ERCC6L2: variants seen among roughly 807,000 people sequenced by gnomAD.
ERCC6L2 encodes the protein ERCC excision repair 6 like 2.
ERCC6L2 carries 77 observed loss-of-function variants against 132.0 expected under a neutral mutation model. The ratio of observed to expected loss-of-function variants is 0.58; its 90% CI spans 0.49 to 0.71. The LOEUF is 0.71. ERCC6L2 is among the 30% of genes least tolerant of loss of function. The pLI is 0.00. For missense variants in ERCC6L2, 1,542 were observed against 1,837.6 expected (o/e 0.84, Z 2.94); for synonymous variants, 583 against 632.4 (o/e 0.92, Z 1.17).
At chr9:95,886,508 A>G (rs966421006) in intron 2 of ERCC6L2, among the ~76,000 whole-genome samples, 6 of 152,060 alleles carry the variant, frequency 3.9e-5, no homozygotes, top group African/African-American at 1.4e-4. Context: ...TAGAACTGTT[A>G]TTTTTTTCCT....
chr9:95,936,955 G>T (rs1012530946), intron 11 of ERCC6L2, among the ~76,000 whole-genome samples: 2 of 152,074 alleles, frequency 1.3e-5, no homozygotes, highest in Non-Finnish European at 2.9e-5. Flanking sequence ...ATGTATCAAT[G>T]GTTCTTTTCT....
chr9:95,924,529 A>G (rs1830020158), intron 9 of ERCC6L2, among the ~76,000 whole-genome samples: 1 of 152,080 alleles, frequency 6.6e-6, no homozygotes, highest in African/African-American at 2.4e-5. Context: ...ACTATCCCAC[A>G]GTTTAAACCA....
At chr9:95,946,799 C>A (rs760954956) in intron 12 of ERCC6L2, among the ~76,000 whole-genome samples, 2 of 152,152 alleles carry the variant, frequency 1.3e-5, no homozygotes, top group Non-Finnish European at 2.9e-5. Flanking sequence ...CACATTATTT[C>A]AGATTTTCAT....
intron 2 of ERCC6L2, among the ~76,000 whole-genome samples, chr9:95,892,915 C>T (rs979447667): frequency 6.6e-6 from 1 of 152,098 alleles, no homozygotes; most frequent in Non-Finnish European, 1.5e-5. Context: ...ATATTTAGTT[C>T]ATTTACATTT....
intron 2 of ERCC6L2, among the ~76,000 whole-genome samples, chr9:95,893,208 G>C (rs988050409): frequency 2.0e-5 from 3 of 152,162 alleles, no homozygotes; most frequent in African/African-American, 7.2e-5. Flanking sequence ...AGTTAGGAAT[G>C]CTAAGTGTAA....
intron 19 of ERCC6L2, among the ~76,000 whole-genome samples, chr9:96,023,617 G>T (rs1018001740): frequency 6.6e-6 from 1 of 152,142 alleles, no homozygotes; most frequent in Non-Finnish European, 1.5e-5. Flanking sequence ...TGCTATTTCC[G>T]AATGGAGCCC....
chr9:95,987,796 C>T (rs530445090), intron 17 of ERCC6L2, among the ~76,000 whole-genome samples: 1 of 152,238 alleles, frequency 6.6e-6, no homozygotes, highest in African/African-American at 2.4e-5. Flanking sequence ...CATTTCCCTT[C>T]TGCACTGCCC....
At chr9:95,925,218 C>T (rs1454930361) in intron 9 of ERCC6L2, among the ~76,000 whole-genome samples, 1 of 152,146 alleles carries the variant, frequency 6.6e-6, no homozygotes, top group Non-Finnish European at 1.5e-5. Context: ...GAGTTTTGAC[C>T]TCAACTATCA....
At chr9:95,928,329 G>T (rs997489053) in intron 10 of ERCC6L2, 179 bp downstream of exon 10, 4 of 468,404 alleles carry the variant, frequency 8.5e-6, no homozygotes, top group Non-Finnish European at 1.5e-5. Context: ...TTGTTTCAGG[G>T]TTGCTAAATA....
intron 17 of ERCC6L2, among the ~76,000 whole-genome samples, chr9:95,991,857 T>C (rs1833313436): frequency 6.6e-6 from 1 of 152,218 alleles, no homozygotes; most frequent in Admixed American, 6.5e-5. Flanking sequence ...AAGTTCAAGA[T>C]ACACCAATGA....
intron 2 of ERCC6L2, among the ~76,000 whole-genome samples, chr9:95,896,488 C>T (rs1293874661): frequency 6.0e-5 from 9 of 149,396 alleles, no homozygotes; most frequent in African/African-American, 2.0e-4. Context: ...GTGGTGCAGT[C>T]ACGGCCCACT....
At chr9:96,027,127 A>C (rs990465138) in intron 19 of ERCC6L2, among the ~76,000 whole-genome samples, 2 of 145,954 alleles carry the variant, frequency 1.4e-5, no homozygotes, top group Non-Finnish European at 3.0e-5. Flanking sequence ...CACACACACC[A>C]CACACAACAC....
Position 96,013,159 on chromosome 9 carries a change from A to AGT in ERCC6L2, c.4611_4612dup (p.Asp1538ValfsTer24). 7.3e-7 allele frequency: 1 copy of AGT among 1,366,664 alleles called. No homozygotes were observed. The highest frequency in any genetic ancestry group is 9.8e-7 in the Non-Finnish European group (1 of 1,021,596). The allele number at this position is 1,366,664 out of a possible 1,614,324, so 84.7% of individuals were successfully genotyped here. On this transcript the variant is annotated frameshift_variant, in exon 19 of 19. Transcript: ENST00000653738. LOFTEE classifies it low-confidence loss of function (END_TRUNC). ...ATTTTTATGGAAGAAATTTAGCCCAAGTGATACAGATGAAAACGCAACCAA... is the reference window on the plus strand; with the variant it reads ...ATTTTTATGGAAGAAATTTAGCCCAAGTGTGATACAGATGAAAACGCAACCAA...
At position 95,972,394 on chromosome 9, in the gene ERCC6L2, A is replaced by G. The variant is rs1244654346; in HGVS notation, c.2643A>G (p.Lys881=). The G allele has an allele frequency of 7.9e-7, 1 of 1,270,848 alleles. No individual in the cohort carries two copies. The highest frequency in any genetic ancestry group is 1.0e-6 in the Non-Finnish European group (1 of 983,072). 78.7% of individuals were successfully genotyped at this position (1,270,848 alleles called of 1,614,324 possible). ...ATATTTCTTCCAAGTCTGACGAGAA[A>G]AAAATTAAAAATACAGATAAACATT... is the stretch of plus-strand genomic sequence containing the variant. ...EQNISSKSDE[K]KIKNTDKHCI... Residue 881 remains lysine (K), a synonymous_variant, in exon 16 of 19, where the codon AAA becomes AAG. Transcript: ENST00000653738.
intron 19 of ERCC6L2, among the ~76,000 whole-genome samples, chr9:96,035,300 C>T (rs531623727): frequency 6.0e-4 from 91 of 152,298 alleles, no homozygotes; most frequent in African/African-American, 2.0e-3. Flanking sequence ...GGCCACTAGT[C>T]CCGCTGACCA....
intron 18 of ERCC6L2, among the ~76,000 whole-genome samples, chr9:96,006,758 A>G (rs1160945396): frequency 6.6e-6 from 1 of 152,192 alleles, no homozygotes; most frequent in East Asian, 1.9e-4. Context: ...ACACAGGCAC[A>G]GATGTGACAT....
At chr9:96,031,482 C>T (rs536920628) in intron 19 of ERCC6L2, among the ~76,000 whole-genome samples, 6 of 152,228 alleles carry the variant, frequency 3.9e-5, no homozygotes, top group Non-Finnish European at 8.8e-5. Flanking sequence ...CCAGAACAAA[C>T]TCTGTCCCTT....
chr9:95,893,465 T>C (rs954800057), intron 2 of ERCC6L2, among the ~76,000 whole-genome samples: 9 of 152,330 alleles, frequency 5.9e-5, no homozygotes. Context: ...GCTGAACTCA[T>C]AAAACGAGGT....
intron 2 of ERCC6L2, among the ~76,000 whole-genome samples, chr9:95,895,668 C>A (rs1364060984): frequency 6.6e-6 from 1 of 151,836 alleles, no homozygotes; most frequent in Admixed American, 6.6e-5. Context: ...AGCATAGTGA[C>A]CTCAGAATAT....
Sources: gnomAD v4.1 joint callset for allele counts (sites outside exome capture counted in the v4.1 genomes callset) on GRCh38, gnomAD v4.1.1 for gene constraint, MANE v1.5 for transcripts, NCBI Gene and HGNC (gene_info 2026-07-23, HGNC 2026-07-21) for gene names.